FER: variants seen among roughly 807,000 people sequenced by gnomAD.
The protein encoded by FER is FER tyrosine kinase.
In FER, 63 loss-of-function variants were observed where a neutral mutation model predicts 111.0. The ratio of observed to expected loss-of-function variants is 0.57; its 90% CI spans 0.46 to 0.70. The LOEUF is 0.70. Among genes scored for constraint, FER ranks in the 30% least tolerant of loss-of-function variants. The pLI, the probability that FER is intolerant of heterozygous loss-of-function variation, is 0.00. For synonymous variants in FER, 327 were observed against 313.9 expected (o/e 1.04, Z -0.44); for missense variants, 914 against 954.0 (o/e 0.96, Z 0.55).
chr5:108,988,887 AT>A (rs1762857524), intron 13 of FER, among the ~76,000 whole-genome samples: 1 of 151,916 alleles, frequency 6.6e-6, no homozygotes, highest in African/African-American at 2.4e-5. Flanking sequence ...TAGATTGTCT[AT>A]TTGTACTCTT....
intron 14 of FER, among the ~76,000 whole-genome samples, chr5:109,037,904 G>A (rs1192571089): frequency 6.6e-6 from 1 of 151,876 alleles, no homozygotes; most frequent in Non-Finnish European, 1.5e-5. Context: ...TGGGATTTCA[G>A]GATTGTATAT....
intron 2 of FER, among the ~76,000 whole-genome samples, chr5:108,768,816 A>G (rs1752592032): frequency 6.7e-6 from 1 of 149,896 alleles, no homozygotes; most frequent in African/African-American, 2.5e-5. Flanking sequence ...AACAATTATG[A>G]ATTATAATAC....
rs190859335 is a variant in FER at position 109,057,660 on chromosome 5, C to T, written c.1924+10462C>T. Among the ~76,000 whole-genome samples the T allele has an allele frequency of 3.1e-3, 477 of 152,236 alleles. 2 individuals are homozygous for T. Among genetic ancestry groups the T allele is most frequent in the Non-Finnish European group, 3.8e-3 (257 of 68,020 alleles). On this transcript the variant is annotated intron_variant, in intron 16 of 19. Coordinates refer to ENST00000281092, the MANE Select transcript of FER (RefSeq NM_005246.4). Reference sequence around the variant, plus strand: ...GGACAAATTTCCTTAAAGATACGAACTACCTAATCTCATTCATGAAGATAT... The same window carrying T: ...GGACAAATTTCCTTAAAGATACGAATTACCTAATCTCATTCATGAAGATAT...
At chr5:108,951,239 G>A (rs1270798149) in intron 11 of FER, among the ~76,000 whole-genome samples, 1 of 152,026 alleles carries the variant, frequency 6.6e-6, no homozygotes, top group African/African-American at 2.4e-5. Context: ...ACTCCAGCCT[G>A]GGTGACAGAG....
At chr5:109,175,554 T>C (rs1262205461) in intron 17 of FER, among the ~76,000 whole-genome samples, 1 of 152,174 alleles carries the variant, frequency 6.6e-6, no homozygotes, top group Non-Finnish European at 1.5e-5. Flanking sequence ...GTTTTATGGC[T>C]AAGACTTCAA....
intron 2 of FER, among the ~76,000 whole-genome samples, chr5:108,796,458 A>G (rs1179968454): frequency 1.3e-5 from 2 of 152,182 alleles, no homozygotes; most frequent in African/African-American, 4.8e-5. Context: ...CCTTTCCTCA[A>G]GGGTGGTGAG....
At chr5:109,129,523 C>CCAGT (rs1352847673) in intron 17 of FER, among the ~76,000 whole-genome samples, 7 of 151,928 alleles carry the variant, frequency 4.6e-5, no homozygotes, top group African/African-American at 7.2e-5. Flanking sequence ...TAACAATCAA[C>CCAGT]CAGTCACTGT....
intron 17 of FER, among the ~76,000 whole-genome samples, chr5:109,118,739 G>A (rs1404063717): frequency 6.6e-6 from 1 of 152,100 alleles, no homozygotes; most frequent in Non-Finnish European, 1.5e-5. Flanking sequence ...TCTTGGAAGG[G>A]TGTATGTGTC....
chr5:108,791,067 T>G (rs1161507286), intron 2 of FER, among the ~76,000 whole-genome samples: 1 of 152,246 alleles, frequency 6.6e-6, no homozygotes, highest in Non-Finnish European at 1.5e-5. Context: ...TTTGGGTTGG[T>G]TCTACTTTGC....
intron 16 of FER, among the ~76,000 whole-genome samples, chr5:109,070,576 A>G (rs114426131): frequency 3.9e-4 from 60 of 152,120 alleles, no homozygotes; most frequent in African/African-American, 1.4e-3. Flanking sequence ...ATGGAAAAAT[A>G]TGCATTGAGA....
intron 15 of FER, among the ~76,000 whole-genome samples, chr5:109,046,892 C>G (rs1204576677): frequency 6.6e-6 from 1 of 152,048 alleles, no homozygotes; most frequent in African/African-American, 2.4e-5. Flanking sequence ...ATTTCTGTAT[C>G]CACGGGGGTC....
intron 10 of FER, among the ~76,000 whole-genome samples, chr5:108,922,404 A>T (rs1013211076): frequency 2.6e-5 from 4 of 152,166 alleles, no homozygotes; most frequent in African/African-American, 9.7e-5. Context: ...GAAGAGCAAA[A>T]CCAGTGAGTA....
At chr5:108,970,933 A>G (rs570367118) in intron 13 of FER, among the ~76,000 whole-genome samples, 3 of 152,332 alleles carry the variant, frequency 2.0e-5, no homozygotes, top group South Asian at 4.1e-4. Flanking sequence ...GTAAAGGTTT[A>G]TAAGCAAAGG....
intron 17 of FER, among the ~76,000 whole-genome samples, chr5:109,161,729 C>T (rs1756008538): frequency 6.6e-6 from 1 of 151,932 alleles, no homozygotes; most frequent in Non-Finnish European, 1.5e-5. Context: ...TATGGTAGAA[C>T]GATTTTATTC....
At chr5:108,981,370 A>G (rs1197581936) in intron 13 of FER, among the ~76,000 whole-genome samples, 1 of 152,084 alleles carries the variant, frequency 6.6e-6, no homozygotes, top group Non-Finnish European at 1.5e-5. Context: ...TGGAGAGAAG[A>G]GAAAAAAAGC....
intron 13 of FER, among the ~76,000 whole-genome samples, chr5:109,029,238 T>A (rs1359073057): frequency 2.8e-5 from 4 of 141,040 alleles, no homozygotes; most frequent in Admixed American, 2.1e-4. Context: ...TTTTTTTTTC[T>A]TCTTACCTTT....
chr5:109,100,358 A>G, intron 16 of FER, 38 bp from the exon 17 acceptor site: 1 of 1,603,570 alleles, frequency 6.2e-7, no homozygotes, highest in Non-Finnish European at 8.5e-7. Flanking sequence ...GACTTTCATC[A>G]TAACTTTGTC....
At chr5:109,053,566 A>G (rs1376100217) in intron 16 of FER, among the ~76,000 whole-genome samples, 1 of 115,982 alleles carries the variant, frequency 8.6e-6, no homozygotes, top group African/African-American at 3.4e-5. Context: ...AGCATTTCTC[A>G]GAACTCTTAA....
intron 18 of FER, 49 bp downstream of exon 18, chr5:109,180,950 A>C: frequency 6.7e-7 from 1 of 1,491,648 alleles, no homozygotes; most frequent in Non-Finnish European, 9.0e-7. Context: ...GAACGGCATC[A>C]GCATAAAACA....
Sources: allele counts gnomAD v4.1 joint callset (sites outside exome capture counted in the v4.1 genomes callset), GRCh38; gene constraint gnomAD v4.1.1; transcripts MANE v1.5; gene names NCBI Gene and HGNC (gene_info 2026-07-23, HGNC 2026-07-21).